The following PDZD2 variants were observed in gnomAD, a reference collection of about 807,000 sequenced individuals.
PDZD2 encodes PDZ domain containing 2.
Under a neutral mutation model 220.7 loss-of-function variants are expected in PDZD2, and 90 were observed. The observed-to-expected ratio is 0.41, with a 90% CI of 0.34 to 0.49. The LOEUF (loss-of-function observed/expected upper bound fraction) is 0.49, where lower values mean the gene tolerates loss of function less well. PDZD2 is among the 20% of genes least tolerant of loss of function. The pLI, the probability that PDZD2 is intolerant of heterozygous loss-of-function variation, is 0.28. For synonymous variants in PDZD2, 1,375 were observed against 1,450.5 expected (o/e 0.95, Z 1.18); for missense variants, 3,174 against 3,608.5 (o/e 0.88, Z 3.08).
chr5:31,823,479 A>G (rs1260615062), intron 2 of PDZD2, among the ~76,000 whole-genome samples: 1 of 152,086 alleles, frequency 6.6e-6, no homozygotes, highest in Non-Finnish European at 1.5e-5. Context: ...AAACACAAAC[A>G]AGCAAAACAA....
At chr5:31,953,154 G>C (rs1283799180) in intron 2 of PDZD2, among the ~76,000 whole-genome samples, 1 of 151,964 alleles carries the variant, frequency 6.6e-6, no homozygotes, top group Non-Finnish European at 1.5e-5. Context: ...TTAAAAGAGT[G>C]TGGCATAGGA....
chr5:31,908,594 C>CT, intron 2 of PDZD2: 1 of 987,672 alleles, frequency 1.0e-6, no homozygotes, highest in Non-Finnish European at 1.6e-6. Flanking sequence ...TTTCAGGAAA[C>CT]TAGCTTCACC....
At chr5:31,752,237 C>G (rs972718550) in intron 1 of PDZD2, among the ~76,000 whole-genome samples, 1 of 151,650 alleles carries the variant, frequency 6.6e-6, no homozygotes, top group Non-Finnish European at 1.5e-5. Context: ...TGCCACCATG[C>G]CCGGCTAGTT....
intron 1 of PDZD2, among the ~76,000 whole-genome samples, chr5:31,778,673 C>CT (rs1317172520): frequency 1.3e-5 from 2 of 152,158 alleles, no homozygotes; most frequent in East Asian, 1.9e-4. Context: ...TCTTTAGGAA[C>CT]TTTAACACTC....
chr5:32,059,211 T>C lies in PDZD2; in HGVS notation c.2201-28T>C, dbSNP rs747266313. 40 of 1,300,804 alleles carry C rather than the reference T, an allele frequency of 3.1e-5. No individual in the cohort carries two copies. The South Asian group carries it at 4.8e-4, about 16-fold the overall frequency. The allele number at this position is 1,300,804 out of a possible 1,614,324, so 80.6% of individuals were successfully genotyped here. On this transcript the variant is annotated intron_variant, in intron 12 of 24. Transcript: ENST00000438447. The stretch of plus-strand genomic sequence containing the variant: ...CTAGTGATTGTGTAATTTTTGTTTT[T>C]ATTTTCTTTGAATGGTGCCTCTCAC...
At chr5:31,748,466 A>G (rs966045348) in intron 1 of PDZD2, among the ~76,000 whole-genome samples, 5 of 152,214 alleles carry the variant, frequency 3.3e-5, no homozygotes, top group East Asian at 3.8e-4. Context: ...TTCAAAACAT[A>G]GCACATAATT....
At chr5:31,999,668 G>C (rs1346885837) in intron 4 of PDZD2, among the ~76,000 whole-genome samples, 1 of 152,208 alleles carries the variant, frequency 6.6e-6, no homozygotes, top group Admixed American at 6.5e-5. Flanking sequence ...CATCTGGTCA[G>C]GGTCACATCC....
At position 31,684,746 on chromosome 5, in the gene PDZD2, C is replaced by T. The variant is rs933683046; in HGVS notation, c.-361+45309C>T. ...GTTACCCACAACCTGCTTTTTGTTT[C>T]GTGATGTGTGAACTCATTTCAACCT... is the stretch of plus-strand genomic sequence containing the variant. On this transcript the variant is annotated intron_variant, in intron 1 of 24. Coordinates refer to ENST00000438447, the MANE Select transcript of PDZD2 (RefSeq NM_178140.4). 5.3e-5 allele frequency among the ~76,000 whole-genome samples: 8 copies of T among 152,252 alleles called. No individual in the cohort carries two copies. In the East Asian group the frequency reaches 1.2e-3, roughly 22 times the overall value.
intron 1 of PDZD2, among the ~76,000 whole-genome samples, chr5:31,721,478 T>C (rs1415426879): frequency 6.8e-6 from 1 of 146,284 alleles, no homozygotes; most frequent in Non-Finnish European, 1.5e-5. Context: ...TCAGAGGGGC[T>C]TTTTAGAAAT....
chr5:31,691,470 C>CTGGTGCCACCTGCTTTTATTCTCTTAT, intron 1 of PDZD2, among the ~76,000 whole-genome samples: 1 of 116,922 alleles, frequency 8.6e-6, no homozygotes, highest in South Asian at 2.8e-4. Context: ...TATTCTCTTA[C>CTGGTGCCACCTGCTTTTATTCTCTTAT]CTGGCGCCAC....
intron 1 of PDZD2, among the ~76,000 whole-genome samples, chr5:31,758,134 C>G (rs951665399): frequency 6.6e-6 from 1 of 152,232 alleles, no homozygotes. Flanking sequence ...AGGTGCCTCT[C>G]TCAGGGCATG....
intron 1 of PDZD2, among the ~76,000 whole-genome samples, chr5:31,662,369 C>T (rs976309946): frequency 4.6e-5 from 7 of 152,110 alleles, no homozygotes; most frequent in African/African-American, 9.7e-5. Context: ...AAGAAGAAAA[C>T]GTCCTGACAC....
chr5:31,782,587 G>A (rs943222273), intron 1 of PDZD2, among the ~76,000 whole-genome samples: 5 of 151,844 alleles, frequency 3.3e-5, no homozygotes, highest in African/African-American at 4.8e-5. Flanking sequence ...GTATCTGCTC[G>A]CTACCACCAC....
intron 2 of PDZD2, among the ~76,000 whole-genome samples, chr5:31,860,548 C>T (rs1291079884): frequency 1.3e-5 from 2 of 152,180 alleles, no homozygotes; most frequent in Non-Finnish European, 2.9e-5. Context: ...AAATGAGTCT[C>T]CCTGCCTGAT....
At position 32,089,820 on chromosome 5, in the gene PDZD2, T is replaced by G. The variant is rs988844231; in HGVS notation, c.6372T>G (p.Cys2124Trp). The change falls in exon 20 of 25, where the codon TGT (cysteine) becomes TGG (tryptophan). Residue 2124 changes from cysteine to tryptophan, a missense_variant. Around this residue, in one of 4 missense-constraint regions of PDZD2, gnomAD observed 1,861 missense variants for 2,001.0 expected, o/e 0.93. Transcript: ENST00000438447. ...GAGGGTGCTTGGCCCAGGGCAACTG[T>G]CAGGAGAAGAGTGAAATCAGGCTCT... ...RRGGCLAQGN[C>W]QEKSEIRLYR... 1 of 1,613,806 alleles carries G rather than the reference T, an allele frequency of 6.2e-7. No individual in the cohort carries two copies. Among genetic ancestry groups the G allele is most frequent in the Admixed American group, 1.7e-5 (1 of 60,004 alleles).
At chr5:31,803,744 A>G (rs548045841) in intron 2 of PDZD2, among the ~76,000 whole-genome samples, 18 of 152,188 alleles carry the variant, frequency 1.2e-4, no homozygotes, top group African/African-American at 4.1e-4. Flanking sequence ...GAGCATCAAG[A>G]ATACAGAAAA....
chr5:32,037,429 C>T, intron 7 of PDZD2, 87 bp downstream of exon 7: 1 of 746,574 alleles, frequency 1.3e-6, no homozygotes, highest in East Asian at 2.5e-5. Context: ...CCGGGATGAG[C>T]TCCCGTCTTC....
chr5:32,009,456 GGTGACTCACTCCT>G (rs1335226626), intron 5 of PDZD2, among the ~76,000 whole-genome samples: 1 of 151,950 alleles, frequency 6.6e-6, no homozygotes, highest in Non-Finnish European at 1.5e-5. Context: ...GGCCAGGTGC[GGTGACTCACTCCT>G]GTAATCCCAG....
chr5:31,644,317 A>G (rs1401861679), intron 1 of PDZD2, among the ~76,000 whole-genome samples: 4 of 152,192 alleles, frequency 2.6e-5, no homozygotes, highest in Non-Finnish European at 5.9e-5. Flanking sequence ...TAGAGAAAAG[A>G]TGGAATTGGA....
Sources: gnomAD v4.1 joint callset for allele counts (sites outside exome capture counted in the v4.1 genomes callset) on GRCh38, gnomAD v4.1.1 for gene constraint, gnomAD v4.1.1 regional missense constraint, MANE v1.5 for transcripts, NCBI Gene and HGNC (gene_info 2026-07-23, HGNC 2026-07-21) for gene names.